The following KCNQ5 variants were observed in gnomAD, a reference collection of about 807,000 sequenced individuals.
The protein encoded by KCNQ5 is potassium voltage-gated channel subfamily Q member 5.
In KCNQ5, 30 loss-of-function variants were observed where a neutral mutation model predicts 98.2. The observed-to-expected ratio is 0.31, with a 90% confidence interval of 0.23 to 0.41. KCNQ5 has a LOEUF of 0.41. Ranked by LOEUF, KCNQ5 falls within the 10% of genes least tolerant of loss-of-function variation. The pLI, the probability that KCNQ5 is intolerant of heterozygous loss-of-function variation, is 1.00. For missense variants in KCNQ5, 835 were observed against 1,182.5 expected, an observed-to-expected ratio of 0.71 and a Z score of 4.31; for synonymous variants, 458 against 449.4, an observed-to-expected ratio of 1.02 and a Z score of -0.24.
chr6:72,626,558 G>A (rs1192750435), intron 1 of KCNQ5, among the ~76,000 whole-genome samples: 1 of 152,198 alleles, frequency 6.6e-6, no homozygotes. Flanking sequence ...GTGATAATCA[G>A]GGGAATGATA....
intron 7 of KCNQ5, among the ~76,000 whole-genome samples, chr6:73,119,935 G>T (rs1775675047): frequency 6.6e-6 from 1 of 152,008 alleles, no homozygotes; most frequent in Non-Finnish European, 1.5e-5. Context: ...TTCTTGGTAT[G>T]TTGTTTTGAA....
chr6:72,867,966 ACTAC>A (rs1562035240), intron 1 of KCNQ5, among the ~76,000 whole-genome samples: 3 of 151,256 alleles, frequency 2.0e-5, no homozygotes, highest in African/African-American at 7.3e-5. Context: ...TACTACTACT[ACTAC>A]TAATAATAAT....
chr6:72,681,424 G>A lies in KCNQ5; in HGVS notation c.398+58837G>A, dbSNP rs191869373. Among the ~76,000 whole-genome samples, 3 of 152,294 alleles carry A rather than the reference G, an allele frequency of 2.0e-5. No individual in the cohort carries two copies. In the East Asian group the frequency reaches 5.8e-4, roughly 29 times the overall value. On this transcript the variant is annotated intron_variant, in intron 1 of 13. Transcript: ENST00000370398. ...TATTATCTCTATTTTACAGGCAAGA[G>A]AAGTATGCCACTGAAGAATGAAGTG...
At chr6:73,093,820 G>A (rs778758378) in intron 5 of KCNQ5, among the ~76,000 whole-genome samples, 1 of 151,984 alleles carries the variant, frequency 6.6e-6, no homozygotes, top group Non-Finnish European at 1.5e-5. Flanking sequence ...TCATTTTGTG[G>A]CCTGTCATAT....
At chr6:72,746,391 G>A (rs1251041672) in intron 1 of KCNQ5, among the ~76,000 whole-genome samples, 2 of 152,022 alleles carry the variant, frequency 1.3e-5, no homozygotes, top group East Asian at 1.9e-4. Context: ...GATTTTCTCC[G>A]TGCAACTTGT....
intron 11 of KCNQ5, among the ~76,000 whole-genome samples, chr6:73,170,452 ACACACACACG>A (rs1777966794): frequency 1.4e-5 from 2 of 143,586 alleles, no homozygotes; most frequent in South Asian, 4.4e-4. Flanking sequence ...ACACACACAC[ACACACACACG>A]CAATCAAGAT....
chr6:72,918,940 C>G (rs540571082), intron 1 of KCNQ5, among the ~76,000 whole-genome samples: 1 of 152,144 alleles, frequency 6.6e-6, no homozygotes, highest in Non-Finnish European at 1.5e-5. Context: ...CTTCTCTTCT[C>G]CCCTCTTGCC....
chr6:72,696,452 T>C (rs1332945172), intron 1 of KCNQ5, among the ~76,000 whole-genome samples: 1 of 152,334 alleles, frequency 6.6e-6, no homozygotes, highest in East Asian at 1.9e-4. Flanking sequence ...GTTTCCTTTT[T>C]AAATGAGTGT....
At chr6:73,040,671 G>T (rs1771647566) in intron 2 of KCNQ5, among the ~76,000 whole-genome samples, 1 of 152,108 alleles carries the variant, frequency 6.6e-6, no homozygotes, top group African/African-American at 2.4e-5. Flanking sequence ...TGATGATATT[G>T]GGTATTTATT....
chr6:73,078,423 T>C (rs1484621094), intron 5 of KCNQ5, among the ~76,000 whole-genome samples: 1 of 152,138 alleles, frequency 6.6e-6, no homozygotes, highest in Non-Finnish European at 1.5e-5. Context: ...TAAAGAATAA[T>C]TTTCCAAATA....
chr6:72,896,291 C>T (rs1779249537), intron 1 of KCNQ5, among the ~76,000 whole-genome samples: 1 of 151,986 alleles, frequency 6.6e-6, no homozygotes, highest in Non-Finnish European at 1.5e-5. Context: ...AGACAAAAAG[C>T]AAGTTTTAAC....
intron 1 of KCNQ5, among the ~76,000 whole-genome samples, chr6:72,763,960 C>CT (rs1407670727): frequency 6.6e-6 from 1 of 151,864 alleles, no homozygotes; most frequent in Non-Finnish European, 1.5e-5. Context: ...ATGAAAACAA[C>CT]TTTTTTTGAT....
chr6:73,162,797 C>T (rs558293136), intron 10 of KCNQ5, among the ~76,000 whole-genome samples: 36 of 152,294 alleles, frequency 2.4e-4, no homozygotes, highest in African/African-American at 8.4e-4. Flanking sequence ...GGACCACTGT[C>T]TGTGTGGAGT....
At chr6:72,664,241 A>C (rs1766675605) in intron 1 of KCNQ5, among the ~76,000 whole-genome samples, 1 of 152,206 alleles carries the variant, frequency 6.6e-6, no homozygotes, top group African/African-American at 2.4e-5. Flanking sequence ...AAAAAAGGAA[A>C]AGTTCACACA....
intron 1 of KCNQ5, among the ~76,000 whole-genome samples, chr6:72,752,735 A>T (rs1771748296): frequency 6.6e-6 from 1 of 152,096 alleles, no homozygotes; most frequent in Admixed American, 6.6e-5. Context: ...AGGGGACTAG[A>T]CTAAGTTATT....
At chr6:73,036,985 C>T (rs567860149) in intron 2 of KCNQ5, among the ~76,000 whole-genome samples, 90 of 152,294 alleles carry the variant, frequency 5.9e-4, no homozygotes, top group African/African-American at 2.1e-3. Flanking sequence ...CCAGCTTCTC[C>T]GCATCCTCCC....
chr6:72,667,660 A>C (rs1766892602), intron 1 of KCNQ5, among the ~76,000 whole-genome samples: 1 of 152,236 alleles, frequency 6.6e-6, no homozygotes, highest in Non-Finnish European at 1.5e-5. Flanking sequence ...GGTTAATGTC[A>C]ACAGTAACAG....
In KCNQ5 at chr6:72,852,640, AAT is replaced by A. The variant is rs140435793; in HGVS notation, c.399-151248_399-151247del. 6.3e-4 allele frequency among the ~76,000 whole-genome samples: 36 copies of A among 56,724 alleles called. 1 individual carries two copies. Among genetic ancestry groups the A allele is most frequent in the South Asian group, 1.4e-3 (2 of 1,442 alleles). The allele number at this position is 56,724 out of a possible 152,430, so 37.2% of individuals were successfully genotyped here. ...AGTGGAGAGAAGGAGATGAAGGGGAAATATATATATATATATATATAAATGGC... is the reference window on the plus strand; with the variant it reads ...AGTGGAGAGAAGGAGATGAAGGGGAAATATATATATATATATATAAATGGC... On this transcript the variant is annotated intron_variant, in intron 1 of 13. Transcript: ENST00000370398.
At chr6:72,650,197 G>A (rs1408621158) in intron 1 of KCNQ5, among the ~76,000 whole-genome samples, 3 of 152,022 alleles carry the variant, frequency 2.0e-5, no homozygotes, top group African/African-American at 7.2e-5. Context: ...ACTAGTAATT[G>A]TTATTCTAAT....
Sources: gnomAD v4.1 joint callset for allele counts (sites outside exome capture counted in the v4.1 genomes callset) on GRCh38, gnomAD v4.1.1 for gene constraint, MANE v1.5 for transcripts, NCBI Gene and HGNC (gene_info 2026-07-23, HGNC 2026-07-21) for gene names.